The following CACNA2D2 variants were observed in gnomAD, a reference collection of about 807,000 sequenced individuals.
The protein encoded by CACNA2D2 is calcium voltage-gated channel auxiliary subunit alpha2delta 2, also known as voltage-dependent calcium channel subunit alpha-2/delta-2.
In CACNA2D2, 48 loss-of-function variants were observed where a neutral mutation model predicts 166.4. The observed-to-expected ratio is 0.29, with a 90% CI of 0.23 to 0.37. CACNA2D2 has a LOEUF of 0.37. CACNA2D2 is among the 10% of genes least tolerant of loss of function. The pLI, the probability that CACNA2D2 is intolerant of heterozygous loss-of-function variation, is 1.00. For synonymous variants in CACNA2D2, 561 were observed against 573.7 expected (o/e 0.98, Z 0.32); for missense variants, 1,122 against 1,433.0 (o/e 0.78, Z 3.50).
chr3:50,402,006 T>A (rs1020487966), intron 3 of CACNA2D2, among the ~76,000 whole-genome samples: 2 of 152,286 alleles, frequency 1.3e-5, no homozygotes, highest in Non-Finnish European at 2.9e-5. Context: ...AGCCACTGCA[T>A]CCGGCCAAAG....
intron 3 of CACNA2D2, among the ~76,000 whole-genome samples, chr3:50,412,836 G>A (rs1164123289): frequency 6.6e-6 from 1 of 152,246 alleles, no homozygotes; most frequent in Non-Finnish European, 1.5e-5. Flanking sequence ...TATCTGGAGG[G>A]GAGAGGGCCT....
At chr3:50,404,425 G>A (rs1458786467) in intron 3 of CACNA2D2, among the ~76,000 whole-genome samples, 1 of 152,192 alleles carries the variant, frequency 6.6e-6, no homozygotes, top group African/African-American at 2.4e-5. Context: ...CCGGGGCTCT[G>A]CTGGAATGAG....
At chr3:50,420,290 C>T (rs866900901) in intron 3 of CACNA2D2, among the ~76,000 whole-genome samples, 8 of 152,222 alleles carry the variant, frequency 5.3e-5, no homozygotes, top group Non-Finnish European at 1.0e-4. Flanking sequence ...TGCCCCTGCC[C>T]GGCTGGGGTC....
chr3:50,463,800 A>G (rs1709696082), intron 2 of CACNA2D2, among the ~76,000 whole-genome samples: 1 of 152,150 alleles, frequency 6.6e-6, no homozygotes, highest in South Asian at 2.1e-4. Context: ...TCCCAGGGGG[A>G]GAACGAAGGC....
At chr3:50,401,718 G>GT (rs943301608) in intron 3 of CACNA2D2, among the ~76,000 whole-genome samples, 31 of 151,718 alleles carry the variant, frequency 2.0e-4, no homozygotes, top group Non-Finnish European at 7.4e-5. Flanking sequence ...TTTCAGTTTT[G>GT]TTTTTTTTGA....
chr3:50,482,696 G>A (rs909203154), intron 1 of CACNA2D2, among the ~76,000 whole-genome samples: 7 of 152,198 alleles, frequency 4.6e-5, no homozygotes, highest in Non-Finnish European at 1.0e-4. Context: ...TCCTTAGACT[G>A]TGGCCTCCAG....
In CACNA2D2 at chr3:50,378,377, A is replaced by T. The variant is rs587747581; in HGVS notation, c.1340-44T>A. On this transcript the variant is annotated intron_variant, in intron 13 of 37. Transcript: ENST00000424201. ...CAGAGGTGGGCCTGGCTGGCACTGCAGGATCCATGTGCAGAGGGCCCTGCC... is the reference window on the plus strand; with the variant it reads ...CAGAGGTGGGCCTGGCTGGCACTGCTGGATCCATGTGCAGAGGGCCCTGCC... 78 of 1,539,420 alleles carry T rather than the reference A, an allele frequency of 5.1e-5. 2 individuals carry two copies. In the South Asian group the frequency reaches 8.7e-4, roughly 17 times the overall value.
rs1458075395 is a variant in CACNA2D2, at chr3:50,365,021, G to C, written c.3209-51C>G. ...GGCGGACGGCGGCGGCGGCACGGAG[G>C]GGGCGCGCGGGGCAGAGGGGGAGCG... On this transcript the variant is annotated intron_variant, in intron 36 of 37. Transcript: ENST00000424201. This position sits in a 1 kb window ranked among gnomAD's most constrained non-coding sequence, Gnocchi z 4.5. 1.2e-6 allele frequency: 2 copies of C among 1,602,142 alleles called. No individual in the cohort carries two copies. Among genetic ancestry groups the C allele is most frequent in the Admixed American group, 1.7e-5 (1 of 59,408 alleles).
intron 4 of CACNA2D2, 100 bp from the exon 5 acceptor site, chr3:50,387,712 G>A (rs1188848117): frequency 3.3e-6 from 3 of 909,686 alleles, no homozygotes; most frequent in East Asian, 2.5e-5. Context: ...GATTCCTCTG[G>A]GGCAGAGACT....
chr3:50,410,760 A>C (rs1490575295), intron 3 of CACNA2D2, among the ~76,000 whole-genome samples: 4 of 152,184 alleles, frequency 2.6e-5, no homozygotes, highest in Non-Finnish European at 5.9e-5. Context: ...TGTTCCAAAC[A>C]AGGTGATGTC....
At chr3:50,436,854 G>A (rs957120743) in intron 2 of CACNA2D2, among the ~76,000 whole-genome samples, 8 of 152,154 alleles carry the variant, frequency 5.3e-5, no homozygotes, top group African/African-American at 1.7e-4. Flanking sequence ...GCCCCACCCT[G>A]TTCTCCCAGA....
At chr3:50,478,170 G>A (rs539215977) in intron 1 of CACNA2D2, among the ~76,000 whole-genome samples, 4 of 152,340 alleles carry the variant, frequency 2.6e-5, no homozygotes, top group Non-Finnish European at 4.4e-5. Context: ...CCCTGAGTGC[G>A]GGTGGAGGCC....
chr3:50,381,264 A>G (rs1445457641), intron 6 of CACNA2D2, 138 bp from the exon 7 acceptor site: 3 of 985,856 alleles, frequency 3.0e-6, no homozygotes, highest in East Asian at 5.0e-5. Context: ...CCTATTTCCT[A>G]GGGCCCAGCT....
At chr3:50,498,571 G>A (rs1186690518) in intron 1 of CACNA2D2, among the ~76,000 whole-genome samples, 3 of 152,224 alleles carry the variant, frequency 2.0e-5, no homozygotes, top group African/African-American at 4.8e-5. Flanking sequence ...GCTCTGGGCT[G>A]GGGGTGCTCC....
At chr3:50,451,141 T>C (rs1709084502) in intron 2 of CACNA2D2, among the ~76,000 whole-genome samples, 1 of 151,924 alleles carries the variant, frequency 6.6e-6, no homozygotes, top group Admixed American at 6.6e-5. Flanking sequence ...CTGTTTTTTT[T>C]TGAGACGGAG....
chr3:50,378,123 A>G (rs1344084027), intron 14 of CACNA2D2, 26 bp from the exon 15 acceptor site: 3 of 1,606,758 alleles, frequency 1.9e-6, no homozygotes, highest in African/African-American at 1.3e-5. Context: ...TGGTGGGGGT[A>G]ATGAGTGCCT....
rs117654337 is a variant in CACNA2D2, at chr3:50,446,650, T to C, written c.289-12221A>G. On this transcript the variant is annotated intron_variant, in intron 2 of 37. Transcript: ENST00000424201. ...CGGGTTCACAAACCCCATCCTGTTTTGAACATCCATCAAGAGCTTTTTCTC... is the reference window on the plus strand; with the variant it reads ...CGGGTTCACAAACCCCATCCTGTTTCGAACATCCATCAAGAGCTTTTTCTC... Among the ~76,000 whole-genome samples, 142 of 152,378 alleles carry C rather than the reference T, an allele frequency of 9.3e-4. 1 individual carries two copies. In the East Asian group the frequency reaches 0.027, roughly 29 times the overall value.
At chr3:50,437,321 G>A (rs905167836) in intron 2 of CACNA2D2, among the ~76,000 whole-genome samples, 5 of 152,260 alleles carry the variant, frequency 3.3e-5, no homozygotes, top group Admixed American at 1.3e-4. Context: ...TTTGACTCAC[G>A]CTGTCCCTGC....
At position 50,444,603 on chromosome 3, in the gene CACNA2D2, G is replaced by A. The variant is rs1022689105; in HGVS notation, c.289-10174C>T. ...CTGTCCTGCAGGGACCAACTTTCCC[G>A]GCCTCACAGGCTGGAATTCTGTCCT... On this transcript the variant is annotated intron_variant, in intron 2 of 37. Transcript: ENST00000424201. Among the ~76,000 whole-genome samples the A allele has an allele frequency of 7.2e-5, 11 of 152,154 alleles. No homozygotes were observed. The South Asian group carries it at 1.0e-3, about 14-fold the overall frequency.
Sources: gnomAD v4.1 joint callset for allele counts (sites outside exome capture counted in the v4.1 genomes callset) on GRCh38, gnomAD v4.1.1 for gene constraint, Gnocchi (gnomAD v3.1) non-coding constraint, MANE v1.5 for transcripts, NCBI Gene and HGNC (gene_info 2026-07-23, HGNC 2026-07-21) for gene names.